ACADSB: variants seen among roughly 807,000 people sequenced by gnomAD.
ACADSB encodes the protein acyl-CoA dehydrogenase short/branched chain, also known as short/branched chain specific acyl-CoA dehydrogenase, mitochondrial.
A neutral mutation model predicts 54.1 loss-of-function variants in ACADSB; 40 were observed. That is an observed-to-expected ratio of 0.74 (90% CI 0.57 to 0.96). ACADSB has a LOEUF of 0.96. Ranked by LOEUF, ACADSB falls within the 40% of genes least tolerant of loss-of-function variation. ACADSB has a pLI of 0.00. For synonymous variants in ACADSB, 182 were observed against 182.8 expected, an observed-to-expected ratio of 1.00 and a Z score of 0.03; for missense variants, 530 against 510.4, an observed-to-expected ratio of 1.04 and a Z score of -0.37.
intron 1 of ACADSB, among the ~76,000 whole-genome samples, chr10:123,023,564 T>C (rs1304357330): frequency 3.3e-5 from 5 of 152,216 alleles, no homozygotes; most frequent in Non-Finnish European, 5.9e-5. Flanking sequence ...TCACCAGTTT[T>C]ACTTTGTATG....
chr10:123,011,565 C>T (rs1474487503), intron 1 of ACADSB, among the ~76,000 whole-genome samples: 3 of 145,014 alleles, frequency 2.1e-5, no homozygotes, highest in African/African-American at 5.1e-5. Context: ...CTTACTCTGT[C>T]GCCCAGGTTG....
At chr10:123,046,507 A>AT (rs1187186250) in intron 7 of ACADSB, among the ~76,000 whole-genome samples, 2 of 152,204 alleles carry the variant, frequency 1.3e-5, no homozygotes, top group Non-Finnish European at 2.9e-5. Context: ...CTTTCTATCC[A>AT]TTGTTCTCAA....
intron 1 of ACADSB, among the ~76,000 whole-genome samples, chr10:123,019,611 G>A (rs893339380): frequency 6.6e-5 from 10 of 152,272 alleles, no homozygotes; most frequent in African/African-American, 1.9e-4. Context: ...GCCTTGCCTC[G>A]CTCTATTTGT....
At chr10:123,043,361 C>T (rs1318957015) in intron 6 of ACADSB, among the ~76,000 whole-genome samples, 190 bp downstream of exon 6, 1 of 152,240 alleles carries the variant, frequency 6.6e-6, no homozygotes, top group Non-Finnish European at 1.5e-5. Flanking sequence ...AAGTGGAAAC[C>T]TTTCTGCCAA....
At chr10:123,016,555 A>T (rs1244713218) in intron 1 of ACADSB, among the ~76,000 whole-genome samples, 3 of 152,366 alleles carry the variant, frequency 2.0e-5, no homozygotes, top group African/African-American at 7.2e-5. Context: ...CAAGGACTCA[A>T]ATATAGACAT....
At chr10:123,010,855 T>C (rs10902859) in intron 1 of ACADSB, among the ~76,000 whole-genome samples, 21,597 of 152,154 alleles carry the variant, frequency 0.14, 1,654 homozygotes, top group South Asian at 0.23. Context: ...ACTAACCCCA[T>C]GTCATGTAGG....
intron 7 of ACADSB, among the ~76,000 whole-genome samples, chr10:123,046,777 A>C (rs1456908212): frequency 6.6e-6 from 1 of 152,230 alleles, no homozygotes; most frequent in Non-Finnish European, 1.5e-5. Flanking sequence ...AAAGTTAAGA[A>C]GTGACCTTCC....
chr10:123,025,639 C>T (rs1850241742), intron 1 of ACADSB, among the ~76,000 whole-genome samples: 1 of 151,806 alleles, frequency 6.6e-6, no homozygotes, highest in African/African-American at 2.4e-5. Flanking sequence ...TCAATGGGAA[C>T]AGAAAAAGAA....
intron 1 of ACADSB, among the ~76,000 whole-genome samples, chr10:123,010,305 G>A (rs1850005891): frequency 1.3e-5 from 2 of 152,216 alleles, no homozygotes; most frequent in South Asian, 4.1e-4. Flanking sequence ...GATAGAAAGG[G>A]ATAGAGCTGG....
At chr10:123,025,086 A>C (rs1375933705) in intron 1 of ACADSB, among the ~76,000 whole-genome samples, 1 of 152,148 alleles carries the variant, frequency 6.6e-6, no homozygotes, top group Non-Finnish European at 1.5e-5. Context: ...ACAGAGTGAG[A>C]CTGTCATGAA....
chr10:123,036,701 A>G (rs1014691459), intron 2 of ACADSB, among the ~76,000 whole-genome samples: 4 of 152,184 alleles, frequency 2.6e-5, no homozygotes, highest in African/African-American at 9.7e-5. Flanking sequence ...TTTGGGGAAC[A>G]AAGCAGAGAA....
rs185611840 is a variant in ACADSB at position 123,040,011 on chromosome 10, C to A, written c.304-455C>A. Among the ~76,000 whole-genome samples, 465 of 151,876 alleles carry A rather than the reference C, an allele frequency of 3.1e-3. 3 individuals are homozygous for A. The highest frequency in any genetic ancestry group is 0.011 in the African/African-American group (438 of 41,416). On this transcript the variant is annotated intron_variant, in intron 3 of 10. Coordinates refer to ENST00000358776, the MANE Select transcript of ACADSB (RefSeq NM_001609.4). ...GTTACTTATGGCAAAATTGCTATAC[C>A]AAATTAAAATAAAATATAAATACAA...
chr10:123,041,936 G>A (rs1850480022), intron 5 of ACADSB, among the ~76,000 whole-genome samples: 1 of 150,674 alleles, frequency 6.6e-6, no homozygotes, highest in Admixed American at 6.7e-5. Flanking sequence ...CTCCTAATGG[G>A]TTATGTAGGA....
intron 1 of ACADSB, among the ~76,000 whole-genome samples, chr10:123,020,360 A>G (rs928268802): frequency 6.6e-6 from 1 of 152,198 alleles, no homozygotes; most frequent in South Asian, 2.1e-4. Context: ...AAGCTCCTAG[A>G]AGGCTTTTCC....
chr10:123,021,022 A>G (rs1850178139), intron 1 of ACADSB, among the ~76,000 whole-genome samples: 1 of 152,166 alleles, frequency 6.6e-6, no homozygotes, highest in Non-Finnish European at 1.5e-5. Flanking sequence ...ATAAATAAAT[A>G]CATACATAAG....
chr10:123,040,140 G>T (rs1850450134), intron 3 of ACADSB, among the ~76,000 whole-genome samples: 1 of 151,542 alleles, frequency 6.6e-6, no homozygotes, highest in Admixed American at 6.6e-5. Context: ...GAGGTCAGGG[G>T]TTCGAGACCA....
intron 1 of ACADSB, among the ~76,000 whole-genome samples, chr10:123,025,224 AGCC>A (rs1237931999): frequency 1.3e-5 from 2 of 152,234 alleles, no homozygotes; most frequent in Non-Finnish European, 2.9e-5. Context: ...GCGGGGGCCT[AGCC>A]ACAAGGATCG....
rs1480766186 is a variant in ACADSB, at chr10:123,037,832, A to T, written c.288A>T (p.Gly96=). 1.9e-6 allele frequency: 3 copies of T among 1,592,688 alleles called. No individual in the cohort carries two copies. The African/African-American group carries it at 4.0e-5, about 21-fold the overall frequency. Residue 96 remains glycine (G), a synonymous_variant, in exon 3 of 11, where the codon GGA becomes GGT. Transcript: ENST00000358776. ...AAATGGAGAAATCAGTAATACAAGG[A>T]TTATTTCAACAAGGGGTACATTTCA... ...NSKMEKSVIQ[G]LFQQGLMGIE...
At chr10:123,037,990 T>A in intron 3 of ACADSB, 143 bp downstream of exon 3, 1 of 647,410 alleles carries the variant, frequency 1.5e-6, no homozygotes, top group Non-Finnish European at 2.7e-6. Context: ...TTTATGTACT[T>A]AAAAGTTCTT....
Sources: allele counts gnomAD v4.1 joint callset (sites outside exome capture counted in the v4.1 genomes callset), GRCh38; gene constraint gnomAD v4.1.1; transcripts MANE v1.5; gene names NCBI Gene and HGNC (gene_info 2026-07-23, HGNC 2026-07-21).